CWF19L2: variants seen among roughly 807,000 people sequenced by gnomAD.
CWF19L2 encodes the protein CWF19 like cell cycle control factor 2.
Under a neutral mutation model 111.7 loss-of-function variants are expected in CWF19L2, and 98 were observed. That is an observed-to-expected ratio of 0.88 (90% CI 0.75 to 1.04). The LOEUF (loss-of-function observed/expected upper bound fraction) is 1.04, where lower values mean the gene tolerates loss of function less well. CWF19L2 is among the 50% of genes least tolerant of loss of function. The probability of loss-of-function intolerance (pLI) is 0.00; values close to 1 mark genes in which losing one functional copy is unlikely to be tolerated. For missense variants in CWF19L2, 1,101 were observed against 1,051.4 expected, an observed-to-expected ratio of 1.05 and a Z score of -0.65; for synonymous variants, 351 against 342.9, an observed-to-expected ratio of 1.02 and a Z score of -0.26.
At chr11:107,455,169 G>A (rs374244554) in intron 2 of CWF19L2, among the ~76,000 whole-genome samples, 7 of 151,940 alleles carry the variant, frequency 4.6e-5, no homozygotes, top group African/African-American at 1.7e-4. Flanking sequence ...GACTTTTAAC[G>A]TTCTCACCAC....
intron 14 of CWF19L2, among the ~76,000 whole-genome samples, chr11:107,338,205 C>T (rs1387244622): frequency 6.6e-6 from 1 of 152,116 alleles, no homozygotes; most frequent in Non-Finnish European, 1.5e-5. Flanking sequence ...TGAGTAGCTA[C>T]TCAGGGACTA....
Position 107,440,760 on chromosome 11 carries a change from A to G in CWF19L2, c.570+743T>C, listed in dbSNP as rs192049624. ...CCTGGTAGAAAAGTAAGCAAAAAAC[A>G]TAAATGAGCAGCTCCCAGTACAAGA... On this transcript the variant is annotated intron_variant, in intron 5 of 17. Transcript: ENST00000282251. 6.6e-5 allele frequency among the ~76,000 whole-genome samples: 10 copies of G among 152,372 alleles called. No homozygotes were observed. In the East Asian group the frequency reaches 1.5e-3, roughly 23 times the overall value.
chr11:107,434,576 C>T (rs1861513660), intron 6 of CWF19L2, among the ~76,000 whole-genome samples: 2 of 151,712 alleles, frequency 1.3e-5, no homozygotes, highest in Admixed American at 1.3e-4. Context: ...CTGCAATAAT[C>T]CCAGCCTGGA....
intron 6 of CWF19L2, among the ~76,000 whole-genome samples, 172 bp from the exon 7 acceptor site, chr11:107,433,921 T>TATATATATATATATATA (rs1861504255): frequency 7.1e-6 from 1 of 140,250 alleles, no homozygotes; most frequent in Non-Finnish European, 1.5e-5. Flanking sequence ...TATATATATA[T>TATATATATATATATATA]TTCAGTGCCT....
chr11:107,452,890 T>A (rs1013631713), intron 3 of CWF19L2, among the ~76,000 whole-genome samples: 1 of 152,136 alleles, frequency 6.6e-6, no homozygotes, highest in Admixed American at 6.5e-5. Flanking sequence ...GGCAGCAGGA[T>A]TGCTTGAGCC....
At chr11:107,405,129 G>A (rs1219167420) in intron 10 of CWF19L2, among the ~76,000 whole-genome samples, 1 of 152,172 alleles carries the variant, frequency 6.6e-6, no homozygotes, top group African/African-American at 2.4e-5. Flanking sequence ...CAAAACAATA[G>A]TATTTCATGA....
chr11:107,446,186 T>C (rs559828945), intron 3 of CWF19L2, among the ~76,000 whole-genome samples: 1 of 152,350 alleles, frequency 6.6e-6, no homozygotes, highest in South Asian at 2.1e-4. Flanking sequence ...GATGATACAT[T>C]CCCTACTGAA....
At chr11:107,415,618 A>G in intron 10 of CWF19L2, among the ~76,000 whole-genome samples, 1 of 152,250 alleles carries the variant, frequency 6.6e-6, no homozygotes, top group South Asian at 2.1e-4. Flanking sequence ...TGACTCATAC[A>G]GAAGCAATCA....
chr11:107,442,884 GGAA>G, intron 4 of CWF19L2, 52 bp downstream of exon 4: 24 of 1,038,676 alleles, frequency 2.3e-5, no homozygotes, highest in Non-Finnish European at 3.2e-5. Context: ...GAGGGAGGGA[GGAA>G]GGAAGGAAGG....
intron 7 of CWF19L2, 49 bp from the exon 8 acceptor site, chr11:107,429,500 A>C: frequency 7.1e-7 from 1 of 1,405,650 alleles, no homozygotes; most frequent in Non-Finnish European, 9.5e-7. Context: ...GGAACGGCTC[A>C]GTGACTTGCA....
At chr11:107,423,959 G>T (rs1211996093) in intron 8 of CWF19L2, among the ~76,000 whole-genome samples, 3 of 151,434 alleles carry the variant, frequency 2.0e-5, no homozygotes, top group Non-Finnish European at 4.4e-5. Flanking sequence ...CTAAAAACAG[G>T]GTACTAATCA....
chr11:107,453,000 A>C (rs1264971095), intron 3 of CWF19L2, among the ~76,000 whole-genome samples: 1 of 152,190 alleles, frequency 6.6e-6, no homozygotes, highest in Non-Finnish European at 1.5e-5. Flanking sequence ...AAAACAAAAA[A>C]ATTTAATAAT....
rs536336427 is a variant in CWF19L2, at chr11:107,442,635, G to C, written c.450+304C>G. ...GGAGGTCGAGGGTGCAGAGAGCTCTGATTGTGCCACTGCGGCCCAGCCTGG... is the reference window on the plus strand; with the variant it reads ...GGAGGTCGAGGGTGCAGAGAGCTCTCATTGTGCCACTGCGGCCCAGCCTGG... On this transcript the variant is annotated intron_variant, in intron 4 of 17. Coordinates refer to ENST00000282251, the MANE Select transcript of CWF19L2 (RefSeq NM_152434.3). Among the ~76,000 whole-genome samples, 373 of 151,446 alleles carry C rather than the reference G, an allele frequency of 2.5e-3. 2 individuals are homozygous for C. Among genetic ancestry groups the C allele is most frequent in the African/African-American group, 8.4e-3 (348 of 41,188 alleles).
At position 107,429,459 on chromosome 11, in the gene CWF19L2, G is replaced by C. The variant is rs756452495; in HGVS notation, c.781-8C>G. The C allele has an allele frequency of 6.6e-7, 1 of 1,523,720 alleles. No individual in the cohort carries two copies. The highest frequency in any genetic ancestry group is 1.4e-5 in the African/African-American group (1 of 71,600). The allele number at this position is 1,523,720 out of a possible 1,614,324, so 94.4% of individuals were successfully genotyped here. A position where few individuals can be genotyped will look rare whatever the true frequency, so the allele number is the denominator to read the frequency against. On this transcript the variant is annotated splice_region_variant and splice_polypyrimidine_tract_variant and intron_variant, in intron 7 of 17. Coordinates refer to ENST00000282251, the MANE Select transcript of CWF19L2 (RefSeq NM_152434.3). ...CTGAAATATTTCCATTGACTACAAA[G>C]GAGAAAAATTAAACAAGATATCTAA...
At chr11:107,443,351 C>T (rs564761317) in intron 3 of CWF19L2, among the ~76,000 whole-genome samples, 82 of 151,982 alleles carry the variant, frequency 5.4e-4, no homozygotes, top group Admixed American at 1.6e-3. Flanking sequence ...AGCGTGGTGG[C>T]GCATGCCTGT....
chr11:107,329,887 C>T, intron 17 of CWF19L2, 31 bp downstream of exon 17: 1 of 1,470,674 alleles, frequency 6.8e-7, no homozygotes, highest in Non-Finnish European at 9.2e-7. Context: ...AAATTGCTAA[C>T]TCTGGGATTT....
intron 12 of CWF19L2, among the ~76,000 whole-genome samples, chr11:107,354,566 G>A (rs888552166): frequency 6.6e-6 from 1 of 152,204 alleles, no homozygotes; most frequent in South Asian, 2.1e-4. Flanking sequence ...ATGGGGATGG[G>A]ATGCAAGTCT....
intron 11 of CWF19L2, among the ~76,000 whole-genome samples, chr11:107,391,995 C>G (rs145800019): frequency 2.7e-4 from 41 of 152,302 alleles, no homozygotes; most frequent in African/African-American, 9.6e-4. Context: ...GATCCCTAGT[C>G]AGTTCCACCA....
intron 12 of CWF19L2, among the ~76,000 whole-genome samples, chr11:107,386,950 A>T (rs1326308702): frequency 1.7e-4 from 26 of 151,622 alleles, no homozygotes; most frequent in Admixed American, 1.7e-3. Flanking sequence ...GCTACTCAGG[A>T]GGCTTAGGCA....
Sources: gnomAD v4.1 joint callset for allele counts (sites outside exome capture counted in the v4.1 genomes callset) on GRCh38, gnomAD v4.1.1 for gene constraint, MANE v1.5 for transcripts, NCBI Gene and HGNC (gene_info 2026-07-23, HGNC 2026-07-21) for gene names.